ZFC3H1: variants seen among roughly 807,000 people sequenced by gnomAD.
The protein encoded by ZFC3H1 is zinc finger C3H1-type containing, also known as zinc finger C3H1 domain-containing protein.
A neutral mutation model predicts 243.7 loss-of-function variants in ZFC3H1; 71 were observed. The ratio of observed to expected loss-of-function variants is 0.29; its 90% CI spans 0.24 to 0.36. The LOEUF (loss-of-function observed/expected upper bound fraction) is 0.36. Among genes scored for constraint, ZFC3H1 ranks in the 10% least tolerant of loss-of-function variants. The pLI, the probability that ZFC3H1 is intolerant of heterozygous loss-of-function variation, is 1.00. For synonymous variants in ZFC3H1, 838 were observed against 813.0 expected (o/e 1.03, Z -0.52); for missense variants, 1,966 against 2,317.1 (o/e 0.85, Z 3.11).
chr12:71,644,565 C>T (rs972285663), intron 4 of ZFC3H1, among the ~76,000 whole-genome samples: 2 of 152,160 alleles, frequency 1.3e-5, no homozygotes, highest in Non-Finnish European at 2.9e-5. Context: ...GCCTGTAATC[C>T]CAGCACTTTG....
In ZFC3H1 at chr12:71,642,312, G is replaced by A. The variant is rs1431851253; in HGVS notation, c.1627+124C>T. ...TTTACAACAACAAATAATGTCTATC[G>A]CCATACAGTTCATCAGCAAATCTCA... On this transcript the variant is annotated intron_variant, in intron 6 of 34. Coordinates refer to ENST00000378743, the MANE Select transcript of ZFC3H1 (RefSeq NM_144982.5). The A allele has an allele frequency of 1.6e-5, 17 of 1,055,136 alleles. No individual in the cohort carries two copies. The East Asian group carries it at 3.4e-4, about 21-fold the overall frequency. The allele number at this position is 1,055,136 out of a possible 1,614,324, so 65.4% of individuals were successfully genotyped here.
intron 19 of ZFC3H1, among the ~76,000 whole-genome samples, 160 bp downstream of exon 19, chr12:71,629,449 G>A (rs540833538): frequency 3.3e-5 from 5 of 151,968 alleles, no homozygotes; most frequent in Admixed American, 3.3e-4. Context: ...TTACAGGCGT[G>A]AGCCAGCGCA....
At chr12:71,658,500 G>A (rs1881082154) in intron 1 of ZFC3H1, among the ~76,000 whole-genome samples, 1 of 151,782 alleles carries the variant, frequency 6.6e-6, no homozygotes, top group Non-Finnish European at 1.5e-5. Flanking sequence ...TGTTGACAAG[G>A]CTGGTCTTGA....
rs573273835 is a variant in ZFC3H1 at position 71,661,632 on chromosome 12, A to C, written c.598+1381T>G. Among the ~76,000 whole-genome samples the C allele has an allele frequency of 6.6e-5, 10 of 151,944 alleles. No individual in the cohort carries two copies. In the East Asian group the frequency reaches 1.9e-3, roughly 30 times the overall value. ...GGGTAGCTGGAAATACAAGCACCCA[A>C]CACCACGCCTGGCTAACTTTTTTAT... On this transcript the variant is annotated intron_variant, in intron 1 of 34. Transcript: ENST00000378743.
intron 9 of ZFC3H1, 104 bp downstream of exon 9, chr12:71,636,386 G>A (rs1880462014): frequency 7.6e-6 from 7 of 921,082 alleles, no homozygotes; most frequent in Non-Finnish European, 9.4e-6. Flanking sequence ...GTGAATATAT[G>A]TGTGTATATA....
rs578199736 is a variant in ZFC3H1, at chr12:71,653,285, G to A, written c.1015+3600C>T. 2.4e-4 allele frequency among the ~76,000 whole-genome samples: 36 copies of A among 152,290 alleles called. No homozygotes were observed. In the East Asian group the frequency reaches 3.1e-3, roughly 13 times the overall value. ...TCAGTAAGTGGGCTTAAGGCAAATC[G>A]AATACAGCAGAAGAGAGAATCAGTA... is the stretch of plus-strand genomic sequence containing the variant. On this transcript the variant is annotated intron_variant, in intron 2 of 34. Transcript: ENST00000378743.
chr12:71,651,856 G>C (rs1395540270), intron 2 of ZFC3H1, among the ~76,000 whole-genome samples: 1 of 152,332 alleles, frequency 6.6e-6, no homozygotes, highest in Middle Eastern at 3.4e-3. Context: ...CAAGGTCCCA[G>C]AGAAGGCAGA....
At chr12:71,638,936 A>G (rs1880533602) in intron 6 of ZFC3H1, among the ~76,000 whole-genome samples, 1 of 152,210 alleles carries the variant, frequency 6.6e-6, no homozygotes, top group African/African-American at 2.4e-5. Context: ...TGACTTCATT[A>G]TTCCCTTCTT....
In ZFC3H1 at chr12:71,629,041, A is replaced by C. The variant is rs1466021797; in HGVS notation, c.3827-4T>G. On this transcript the variant is annotated splice_polypyrimidine_tract_variant and splice_region_variant and intron_variant, in intron 19 of 34. Coordinates refer to ENST00000378743, the MANE Select transcript of ZFC3H1 (RefSeq NM_144982.5). The stretch of plus-strand genomic sequence containing the variant: ...TTGTAGGTTGTAAATGGAGGAGCTA[A>C]AGTAGATAGGAGAAGATTGTTAATT... 6.2e-7 allele frequency: 1 copy of C among 1,600,172 alleles called. No homozygotes were observed. The highest frequency in any genetic ancestry group is 8.5e-7 in the Non-Finnish European group (1 of 1,176,094).
chr12:71,614,398 T>C (rs1054962488), intron 30 of ZFC3H1, 137 bp downstream of exon 30: 64 of 742,704 alleles, frequency 8.6e-5, no homozygotes, highest in African/African-American at 1.6e-4. Flanking sequence ...ATAAGAAACA[T>C]AGTCAAGAAT....
chr12:71,627,699 C>A, intron 21 of ZFC3H1, 52 bp downstream of exon 21: 8 of 1,526,992 alleles, frequency 5.2e-6, no homozygotes, highest in Non-Finnish European at 7.1e-6. Flanking sequence ...AAACCTCAAA[C>A]ATAAAAATAT....
chr12:71,625,060 CCA>C (rs1204123917), intron 22 of ZFC3H1, among the ~76,000 whole-genome samples: 2 of 152,116 alleles, frequency 1.3e-5, no homozygotes, highest in Non-Finnish European at 2.9e-5. Context: ...TTTGAATATT[CCA>C]CACCCTATAA....
intron 2 of ZFC3H1, among the ~76,000 whole-genome samples, chr12:71,653,195 A>G (rs780163353): frequency 5.3e-5 from 8 of 152,210 alleles, no homozygotes; most frequent in Non-Finnish European, 7.3e-5. Context: ...AAGAATGATC[A>G]AAGTGATTTG....
At chr12:71,656,386 A>C in intron 2 of ZFC3H1, 1 of 503,982 alleles carries the variant, frequency 2.0e-6, no homozygotes, top group Non-Finnish European at 3.4e-6. Flanking sequence ...GCAAGCATAC[A>C]AGGGTGGTTT....
chr12:71,619,196 G>A (rs17815107), intron 27 of ZFC3H1, 119 bp downstream of exon 27: 18,963 of 733,362 alleles, frequency 0.026, 333 homozygotes, highest in Non-Finnish European at 0.034. Flanking sequence ...TCTGTTAAGT[G>A]GGTATTCAAG....
At chr12:71,639,028 A>G (rs1172790371) in intron 6 of ZFC3H1, among the ~76,000 whole-genome samples, 1 of 152,200 alleles carries the variant, frequency 6.6e-6, no homozygotes, top group Non-Finnish European at 1.5e-5. Flanking sequence ...AGAATTACTT[A>G]GTGTATTTAG....
Position 71,642,565 on chromosome 12 carries a change from T to C in ZFC3H1, c.1504-6A>G, listed in dbSNP as rs1565820999. On this transcript the variant is annotated splice_region_variant and splice_polypyrimidine_tract_variant and intron_variant, in intron 5 of 34. Coordinates refer to ENST00000378743, the MANE Select transcript of ZFC3H1 (RefSeq NM_144982.5). The stretch of plus-strand genomic sequence containing the variant: ...CTCAGGTCAGGATCTGAAGACTAAG[T>C]ATACAACACTTTTTTAGTTTCAAAG... The C allele has an allele frequency of 2.5e-6, 4 of 1,595,178 alleles. No homozygotes were observed. The highest frequency in any genetic ancestry group is 2.6e-6 in the Non-Finnish European group (3 of 1,172,766).
intron 24 of ZFC3H1, among the ~76,000 whole-genome samples, chr12:71,622,556 G>C (rs545217667): frequency 1.3e-5 from 2 of 151,950 alleles, no homozygotes; most frequent in African/African-American, 4.8e-5. Context: ...TTCGCCTCCT[G>C]GGCTCAAGCG....
At chr12:71,638,624 AT>A in intron 6 of ZFC3H1, 109 bp from the exon 7 acceptor site, 1 of 871,264 alleles carries the variant, frequency 1.1e-6, no homozygotes, top group Non-Finnish European at 1.7e-6. Context: ...TGCAAATTAG[AT>A]TTTATCAACC....
Sources: allele counts gnomAD v4.1 joint callset (sites outside exome capture counted in the v4.1 genomes callset), GRCh38; gene constraint gnomAD v4.1.1; transcripts MANE v1.5; gene names NCBI Gene and HGNC (gene_info 2026-07-23, HGNC 2026-07-21).